Variants in SLC14A2 observed in about 807,000 individuals in gnomAD.
The protein encoded by SLC14A2 is solute carrier family 14 member 2.
Under a neutral mutation model 104.6 loss-of-function variants are expected in SLC14A2, and 91 were observed. The observed-to-expected ratio is 0.87, with a 90% CI of 0.73 to 1.04. SLC14A2 has a LOEUF of 1.04. SLC14A2 is among the 50% of genes least tolerant of loss of function. The pLI is 0.00. For missense variants in SLC14A2, 1,189 were observed against 1,156.0 expected (o/e 1.03, Z -0.41); for synonymous variants, 476 against 466.4 (o/e 1.02, Z -0.27).
chr18:45,523,810 C>T (rs2043552485), intron 2 of SLC14A2, among the ~76,000 whole-genome samples: 1 of 152,178 alleles, frequency 6.6e-6, no homozygotes, highest in African/African-American at 2.4e-5. Context: ...TTTCCCAGGT[C>T]GTCCAGATCT....
At chr18:45,472,290 G>A (rs1364010742) in intron 1 of SLC14A2, among the ~76,000 whole-genome samples, 1 of 152,154 alleles carries the variant, frequency 6.6e-6, no homozygotes, top group Non-Finnish European at 1.5e-5. Context: ...TGGGCATTTG[G>A]GTGGGTTCCA....
chr18:45,199,169 T>G, the SLC14A2 span, among the ~76,000 whole-genome samples: 1 of 152,186 alleles, frequency 6.6e-6, no homozygotes, highest in Non-Finnish European at 1.5e-5. Flanking sequence ...CCAACCAGAT[T>G]GATGGATTTT....
At chr18:45,191,475 G>A in the SLC14A2 span, among the ~76,000 whole-genome samples, 4 of 152,122 alleles carry the variant, frequency 2.6e-5, no homozygotes, top group African/African-American at 9.7e-5. Context: ...TATAACAATT[G>A]TTTCAGAATA....
chr18:45,549,197 G>A (rs2044017936), intron 2 of SLC14A2, among the ~76,000 whole-genome samples: 1 of 152,260 alleles, frequency 6.6e-6, no homozygotes. Flanking sequence ...AGTAGTTCAT[G>A]AAGTAGGAAT....
the SLC14A2 span, among the ~76,000 whole-genome samples, chr18:45,180,160 AAAAC>A: frequency 4.5e-4 from 68 of 152,202 alleles, no homozygotes; most frequent in African/African-American, 9.2e-4. Flanking sequence ...AAAAGAGAAA[AAAAC>A]AAACAAACAA....
chr18:45,338,401 C>T (rs557800529), intron 1 of SLC14A2, among the ~76,000 whole-genome samples: 1 of 152,016 alleles, frequency 6.6e-6, no homozygotes, highest in Admixed American at 6.6e-5. Flanking sequence ...CAGGGTTTCA[C>T]CCTCTTAGCC....
Position 45,460,691 on chromosome 18 carries a change from A to G in SLC14A2, c.-124-22542A>G, listed in dbSNP as rs1000551800. 2.0e-5 allele frequency among the ~76,000 whole-genome samples: 3 copies of G among 152,152 alleles called. No individual in the cohort carries two copies. In the East Asian group the frequency reaches 5.8e-4, roughly 29 times the overall value. On this transcript the variant is annotated intron_variant, in intron 1 of 20. Transcript: ENST00000586448. The stretch of plus-strand genomic sequence containing the variant: ...TTCTGTACTATTAATTCCATTTACA[A>G]TCCCTCTCTCCTTGGCAACTTTTCA...
chr18:45,409,729 T>C (rs1012236556), intron 1 of SLC14A2, among the ~76,000 whole-genome samples: 1 of 152,166 alleles, frequency 6.6e-6, no homozygotes, highest in Non-Finnish European at 1.5e-5. Context: ...ATTTGTGCTT[T>C]TGTTTTATTC....
chr18:45,555,793 A>G (rs935085689), intron 2 of SLC14A2, among the ~76,000 whole-genome samples: 1 of 152,218 alleles, frequency 6.6e-6, no homozygotes, highest in African/African-American at 2.4e-5. Context: ...AGGGCTGGGT[A>G]ACATTAAAGA....
the SLC14A2 span, among the ~76,000 whole-genome samples, chr18:45,190,191 T>A: frequency 2.6e-5 from 4 of 152,230 alleles, no homozygotes; most frequent in Non-Finnish European, 5.9e-5. Flanking sequence ...TGACCTTTCT[T>A]CTTTAGTAGG....
At chr18:45,422,150 G>A (rs1156622895) in intron 1 of SLC14A2, among the ~76,000 whole-genome samples, 2 of 152,168 alleles carry the variant, frequency 1.3e-5, no homozygotes, top group African/African-American at 4.8e-5. Context: ...TTCTGAGCAG[G>A]GGAGTAGCAT....
chr18:45,319,919 A>G (rs1280744661), intron 1 of SLC14A2, among the ~76,000 whole-genome samples: 1 of 152,220 alleles, frequency 6.6e-6, no homozygotes, highest in East Asian at 1.9e-4. Flanking sequence ...TCTATGACAT[A>G]CAAGGAGAGA....
intron 1 of SLC14A2, among the ~76,000 whole-genome samples, chr18:45,252,154 G>A (rs895551214): frequency 1.3e-5 from 2 of 152,124 alleles, no homozygotes; most frequent in South Asian, 4.1e-4. Context: ...GCTCTGGCCT[G>A]GACAGACCCT....
At chr18:45,355,256 A>T (rs532921874) in intron 1 of SLC14A2, among the ~76,000 whole-genome samples, 1 of 152,248 alleles carries the variant, frequency 6.6e-6, no homozygotes, top group South Asian at 2.1e-4. Context: ...ATGCTAATAG[A>T]GATATATCTC....
At chr18:45,496,714 T>C (rs559082372) in intron 2 of SLC14A2, among the ~76,000 whole-genome samples, 1 of 151,928 alleles carries the variant, frequency 6.6e-6, no homozygotes, top group South Asian at 2.1e-4. Flanking sequence ...ACCCAGGAGG[T>C]AGAGGTTGCA....
intron 1 of SLC14A2, among the ~76,000 whole-genome samples, chr18:45,260,537 T>C: frequency 6.6e-6 from 1 of 151,918 alleles, no homozygotes. Flanking sequence ...CTATTCACAA[T>C]AGAAAAGACA....
intron 1 of SLC14A2, among the ~76,000 whole-genome samples, chr18:45,468,502 C>A (rs2087185389): frequency 6.6e-6 from 1 of 151,902 alleles, no homozygotes; most frequent in Non-Finnish European, 1.5e-5. Flanking sequence ...CAGTGACATA[C>A]TGTGTGGTCT....
chr18:45,245,683 C>T (rs2084361777), intron 1 of SLC14A2, among the ~76,000 whole-genome samples: 1 of 152,170 alleles, frequency 6.6e-6, no homozygotes, highest in African/African-American at 2.4e-5. Context: ...GTAAGTGCTG[C>T]CAGTTTGCTC....
chr18:45,180,093 G>C, the SLC14A2 span: 8 of 152,320 alleles, frequency 5.3e-5, no homozygotes, highest in African/African-American at 1.9e-4. Flanking sequence ...AGGCTGCAGT[G>C]AGACGTGATA....
Sources: gnomAD v4.1 joint callset for allele counts (sites outside exome capture counted in the v4.1 genomes callset) on GRCh38, gnomAD v4.1.1 for gene constraint, MANE v1.5 for transcripts, NCBI Gene and HGNC (gene_info 2026-07-23, HGNC 2026-07-21) for gene names.